HACD3: variants seen among roughly 807,000 people sequenced by gnomAD.
The protein encoded by HACD3 is very-long-chain (3R)-3-hydroxyacyl-CoA dehydratase 3.
Under a neutral mutation model 55.2 loss-of-function variants are expected in HACD3, and 30 were observed. The ratio of observed to expected loss-of-function variants is 0.54; its 90% CI spans 0.41 to 0.74. The LOEUF (loss-of-function observed/expected upper bound fraction) is 0.74, where lower values mean the gene tolerates loss of function less well. HACD3 is among the 30% of genes least tolerant of loss of function. HACD3 has a pLI of 0.00. For missense variants in HACD3, 363 were observed against 440.1 expected (o/e 0.82, Z 1.57); for synonymous variants, 141 against 151.7 (o/e 0.93, Z 0.52).
At chr15:65,575,312 G>A (rs939452954) in intron 10 of HACD3, among the ~76,000 whole-genome samples, 26 of 151,254 alleles carry the variant, frequency 1.7e-4, no homozygotes, top group African/African-American at 5.6e-4. Context: ...CTCAGCCTCC[G>A]GAGTAGCTGG....
chr15:65,540,586 C>T (rs2072010763), intron 1 of HACD3, among the ~76,000 whole-genome samples: 1 of 151,988 alleles, frequency 6.6e-6, no homozygotes, highest in Non-Finnish European at 1.5e-5. Context: ...TAGTGGGGTT[C>T]CAGGAGCAGA....
intron 1 of HACD3, among the ~76,000 whole-genome samples, chr15:65,532,113 A>G (rs1440781865): frequency 6.6e-6 from 1 of 152,186 alleles, no homozygotes. Context: ...TAGTGGCCAG[A>G]ATGCCTTTAA....
At chr15:65,561,202 C>T (rs530487556) in intron 5 of HACD3, among the ~76,000 whole-genome samples, 40 of 152,248 alleles carry the variant, frequency 2.6e-4, no homozygotes, top group African/African-American at 9.4e-4. Flanking sequence ...CACGGTGGCT[C>T]ATGCCTGTAA....
intron 10 of HACD3, among the ~76,000 whole-genome samples, chr15:65,572,790 C>T (rs1173820091): frequency 1.3e-5 from 2 of 151,598 alleles, no homozygotes; most frequent in Non-Finnish European, 2.9e-5. Flanking sequence ...TGGCGGGTGC[C>T]TGTAATCTCA....
At chr15:65,551,944 G>GAAA (rs767105130) in intron 2 of HACD3, 3 of 341,620 alleles carry the variant, frequency 8.8e-6, no homozygotes, top group Non-Finnish European at 1.0e-5. Context: ...TACAGTGAAG[G>GAAA]AAAAAAAAAA....
At chr15:65,539,985 C>T (rs950924425) in intron 1 of HACD3, among the ~76,000 whole-genome samples, 6 of 152,022 alleles carry the variant, frequency 3.9e-5, no homozygotes, top group Non-Finnish European at 7.4e-5. Context: ...TGGTTACCTG[C>T]GAAGTTGGGG....
intron 1 of HACD3, among the ~76,000 whole-genome samples, chr15:65,549,919 C>T (rs897448349): frequency 6.6e-6 from 1 of 152,214 alleles, no homozygotes; most frequent in African/African-American, 2.4e-5. Flanking sequence ...AAAGTGGCCT[C>T]AACTGGTAGG....
intron 7 of HACD3, among the ~76,000 whole-genome samples, chr15:65,569,238 ACT>A (rs1398685264): frequency 3.5e-5 from 4 of 114,388 alleles, no homozygotes; most frequent in Non-Finnish European, 5.0e-5. Context: ...ACAGAGCGAG[ACT>A]CTGTCTCAAA....
rs2072409987 is a variant in HACD3, at chr15:65,577,089, C to A, written c.*710C>A. On this transcript the variant is annotated 3_prime_UTR_variant, in exon 11 of 11. Transcript: ENST00000261875. ...TTAAGTAAATCAACTATTTTCAACA[C>A]TGAAGAAAAATGAAACATTATTTAG... 6.6e-6 allele frequency: 1 copy of A among 152,084 alleles called. No individual in the cohort carries two copies. Among genetic ancestry groups the A allele is most frequent in the Admixed American group, 6.6e-5 (1 of 15,248 alleles). The allele number at this position is 152,084 out of a possible 1,614,324, so 9.4% of individuals were successfully genotyped here.
intron 2 of HACD3, 68 bp from the exon 3 acceptor site, chr15:65,554,819 A>C: frequency 8.9e-7 from 1 of 1,123,308 alleles, no homozygotes. Flanking sequence ...AAAGAACTGC[A>C]CCAAGCTGGC....
At chr15:65,554,459 C>T (rs1178240668) in intron 2 of HACD3, among the ~76,000 whole-genome samples, 1 of 152,154 alleles carries the variant, frequency 6.6e-6, no homozygotes, top group African/African-American at 2.4e-5. Context: ...TACGATGCTT[C>T]TTGGCCTTTT....
chr15:65,563,610 A>G (rs901888774), intron 6 of HACD3, among the ~76,000 whole-genome samples: 1 of 152,146 alleles, frequency 6.6e-6, no homozygotes, highest in Non-Finnish European at 1.5e-5. Context: ...TTGAAGCTGC[A>G]GTAAGCCGTG....
chr15:65,544,077 C>T (rs201639543), intron 1 of HACD3, among the ~76,000 whole-genome samples: 13 of 151,666 alleles, frequency 8.6e-5, no homozygotes, highest in Non-Finnish European at 1.3e-4. Flanking sequence ...CTCGGGAGGC[C>T]GAGGCAGGAG....
intron 1 of HACD3, among the ~76,000 whole-genome samples, chr15:65,532,632 CAAAAAA>C (rs564490649): frequency 6.0e-5 from 4 of 66,560 alleles, no homozygotes; most frequent in Non-Finnish European, 1.2e-4. Flanking sequence ...AACTCTGTCT[CAAAAAA>C]AAAAAAAAAA....
chr15:65,572,152 T>C, intron 9 of HACD3, 83 bp from the exon 10 acceptor site: 1 of 1,553,542 alleles, frequency 6.4e-7, no homozygotes, highest in African/African-American at 1.4e-5. Flanking sequence ...GAACTGAAAC[T>C]TTAGAGTACT....
chr15:65,549,273 CAG>C (rs981012695), intron 1 of HACD3, among the ~76,000 whole-genome samples: 1 of 151,986 alleles, frequency 6.6e-6, no homozygotes, highest in Non-Finnish European at 1.5e-5. Flanking sequence ...GACAGCCCAA[CAG>C]GGCGCAGGCA....
chr15:65,552,016 G>A (rs368723983), intron 2 of HACD3: 4 of 303,256 alleles, frequency 1.3e-5, no homozygotes, highest in Non-Finnish European at 2.5e-5. Flanking sequence ...CCGCTATCTT[G>A]GACAAGTTAT....
intron 2 of HACD3, among the ~76,000 whole-genome samples, chr15:65,552,798 C>T (rs1246533198): frequency 4.0e-5 from 6 of 151,606 alleles, no homozygotes; most frequent in South Asian, 2.1e-4. Flanking sequence ...CCCACTAACT[C>T]GTCATCTAGC....
chr15:65,537,949 A>T (rs1596203632), intron 1 of HACD3, among the ~76,000 whole-genome samples: 1 of 57,050 alleles, frequency 1.8e-5, no homozygotes, highest in Admixed American at 1.9e-4. Context: ...AAAAAAAAAA[A>T]AAAAAAAAAA....
Sources: gnomAD v4.1 joint callset for allele counts (sites outside exome capture counted in the v4.1 genomes callset) on GRCh38, gnomAD v4.1.1 for gene constraint, MANE v1.5 for transcripts, NCBI Gene and HGNC (gene_info 2026-07-23, HGNC 2026-07-21) for gene names.